Variants in RAD51AP1 observed in about 807,000 individuals in gnomAD.
The protein encoded by RAD51AP1 is RAD51 associated protein 1.
A neutral mutation model predicts 34.3 loss-of-function variants in RAD51AP1; 14 were observed. The observed-to-expected ratio is 0.41, with a 90% CI of 0.27 to 0.64. RAD51AP1 has a LOEUF of 0.64. Ranked by LOEUF, RAD51AP1 falls within the 30% of genes least tolerant of loss-of-function variation. The pLI is 0.33. For synonymous variants in RAD51AP1, 114 were observed against 129.8 expected, an observed-to-expected ratio of 0.88 and a Z score of 0.83; for missense variants, 348 against 386.9, an observed-to-expected ratio of 0.90 and a Z score of 0.84.
intron 1 of RAD51AP1, among the ~76,000 whole-genome samples, chr12:4,540,071 G>T (rs1372161601): frequency 6.6e-6 from 1 of 152,126 alleles, no homozygotes. Context: ...ATGTATTTCG[G>T]AGGCACTGTG....
At chr12:4,548,392 T>C (rs891362752) in intron 5 of RAD51AP1, among the ~76,000 whole-genome samples, 1 of 152,226 alleles carries the variant, frequency 6.6e-6, no homozygotes, top group Non-Finnish European at 1.5e-5. Context: ...TGGCTTCTAG[T>C]TGGAGCAACT....
chr12:4,540,008 G>A (rs779517245), intron 1 of RAD51AP1, among the ~76,000 whole-genome samples: 1 of 152,096 alleles, frequency 6.6e-6, no homozygotes, highest in African/African-American at 2.4e-5. Flanking sequence ...ATTGGAGAGC[G>A]GTTTGGGATA....
chr12:4,553,192 T>A, intron 7 of RAD51AP1, 45 bp downstream of exon 7: 1 of 1,407,688 alleles, frequency 7.1e-7, no homozygotes, highest in Non-Finnish European at 9.4e-7. Context: ...GAAATGTATG[T>A]GGTTTGTTTG....
intron 6 of RAD51AP1, among the ~76,000 whole-genome samples, chr12:4,552,201 C>T (rs1422104988): frequency 6.6e-6 from 1 of 151,792 alleles, no homozygotes; most frequent in Non-Finnish European, 1.5e-5. Flanking sequence ...TAGGACTAAC[C>T]CTATTTACAC....
intron 1 of RAD51AP1, 112 bp downstream of exon 1, chr12:4,539,068 T>C: frequency 8.2e-7 from 1 of 1,214,556 alleles, no homozygotes; most frequent in Non-Finnish European, 1.2e-6. Flanking sequence ...GGGGTTAGGA[T>C]GGACGGTTAT....
chr12:4,540,409 T>A (rs1944457033), intron 1 of RAD51AP1, among the ~76,000 whole-genome samples: 2 of 152,196 alleles, frequency 1.3e-5, no homozygotes, highest in African/African-American at 4.8e-5. Flanking sequence ...ATAACAATAC[T>A]AAGATATGAT....
intron 8 of RAD51AP1, among the ~76,000 whole-genome samples, chr12:4,557,398 C>G (rs998382197): frequency 1.1e-4 from 16 of 152,204 alleles, no homozygotes; most frequent in Admixed American, 1.0e-3. Flanking sequence ...GATTACTTAA[C>G]TTACAGAGTC....
At chr12:4,546,036 G>A (rs1282795675) in intron 3 of RAD51AP1, among the ~76,000 whole-genome samples, 3 of 152,146 alleles carry the variant, frequency 2.0e-5, no homozygotes, top group Non-Finnish European at 4.4e-5. Flanking sequence ...GACACAGCTG[G>A]TAGTAAGGTG....
intron 7 of RAD51AP1, among the ~76,000 whole-genome samples, chr12:4,553,559 A>G (rs971888459): frequency 1.3e-5 from 2 of 152,024 alleles, no homozygotes; most frequent in Non-Finnish European, 2.9e-5. Flanking sequence ...AAAACAAGGA[A>G]GTTTGCATAA....
intron 8 of RAD51AP1, 123 bp downstream of exon 8, chr12:4,556,625 G>T (rs1299558942): frequency 9.9e-6 from 11 of 1,110,038 alleles, no homozygotes; most frequent in Non-Finnish European, 1.4e-5. Context: ...CAAAACCAAA[G>T]TTCCTGGTTG....
In RAD51AP1 at chr12:4,538,914, G is replaced by C. The variant is rs1460889080; in HGVS notation, c.-26G>C. 6.2e-7 allele frequency: 1 copy of C among 1,613,626 alleles called. No individual in the cohort carries two copies. Among genetic ancestry groups the C allele is most frequent in the Non-Finnish European group, 8.5e-7 (1 of 1,179,594 alleles). On this transcript the variant is annotated 5_prime_UTR_variant, in exon 1 of 9. Coordinates refer to ENST00000352618, the MANE Select transcript of RAD51AP1 (RefSeq NM_006479.5). The stretch of plus-strand genomic sequence containing the variant: ...TGAAGCCAACAAGAATTTGAGAACT[G>C]TAAATACCAAGCCTTGAAAGGGACC...
chr12:4,553,094 A>AGTAGC lies in RAD51AP1; in HGVS notation c.668_669insGTAGC (p.Ser224Ter). 6.2e-7 allele frequency: 1 copy of AGTAGC among 1,607,090 alleles called. No homozygotes were observed. The highest frequency in any genetic ancestry group is 8.5e-7 in the Non-Finnish European group (1 of 1,177,286). On this transcript the variant is annotated stop_gained and frameshift_variant, in exon 7 of 9. Transcript: ENST00000352618. LOFTEE classifies it high-confidence loss of function. Reference sequence around the variant, plus strand: ...ATTAAAAAGAAAGAAGTGAAGGTAAAATCCCCAGTAGAAAAGAAAGAGAAG... The same window carrying AGTAGC: ...ATTAAAAAGAAAGAAGTGAAGGTAAAGTAGCATCCCCAGTAGAAAAGAAAGAGAAG...
intron 7 of RAD51AP1, among the ~76,000 whole-genome samples, chr12:4,555,020 A>T (rs1944572556): frequency 6.6e-6 from 1 of 152,220 alleles, no homozygotes; most frequent in African/African-American, 2.4e-5. Context: ...ATAATCACAG[A>T]AAGTTCCATC....
chr12:4,545,750 C>G, intron 3 of RAD51AP1: 1 of 1,607,362 alleles, frequency 6.2e-7, no homozygotes, highest in Non-Finnish European at 8.5e-7. Context: ...ATTAGCATGT[C>G]TTGTTTCCCC....
At position 4,558,009 on chromosome 12, in the gene RAD51AP1, C is replaced by T. The variant is rs566492959; in HGVS notation, c.872-848C>T. On this transcript the variant is annotated intron_variant, in intron 8 of 8. Transcript: ENST00000352618. ...TTGTTGTTGTTAGCACCATGTGAAC[C>T]AAAACAATATATCTGAGAGCTAGAT... Among the ~76,000 whole-genome samples, 3 of 150,472 alleles carry T rather than the reference C, an allele frequency of 2.0e-5. No homozygotes were observed. In the East Asian group the frequency reaches 5.9e-4, roughly 29 times the overall value.
chr12:4,543,697 T>C (rs1944485407), intron 2 of RAD51AP1, 66 bp from the exon 3 acceptor site: 1 of 1,181,612 alleles, frequency 8.5e-7, no homozygotes. Context: ...TGAACACACA[T>C]GGTAATGATT....
chr12:4,549,850 A>C (rs1240696013), intron 6 of RAD51AP1, among the ~76,000 whole-genome samples: 1 of 152,196 alleles, frequency 6.6e-6, no homozygotes, highest in East Asian at 1.9e-4. Flanking sequence ...CTAGCAATCC[A>C]CTTCTGAGTA....
At chr12:4,541,207 G>A (rs576317525) in intron 1 of RAD51AP1, among the ~76,000 whole-genome samples, 2 of 152,102 alleles carry the variant, frequency 1.3e-5, no homozygotes. Flanking sequence ...TCAGATTTGG[G>A]ATGCTCAGCT....
rs1228138333 is a variant in RAD51AP1 at position 4,556,486 on chromosome 12, T to C, written c.855T>C (p.Pro285=). 2 of 1,613,734 alleles carry C rather than the reference T, an allele frequency of 1.2e-6. No individual in the cohort carries two copies. The highest frequency in any genetic ancestry group is 8.5e-7 in the Non-Finnish European group (1 of 1,179,690). Reference sequence around the variant, plus strand: ...GTCCTTCAGCTGAAAGCAAGAAACCTAAATGGGTCCCACCAGGTATGGCAT... The same window carrying C: ...GTCCTTCAGCTGAAAGCAAGAAACCCAAATGGGTCCCACCAGGTATGGCAT... ...IRSPSAESKK[P]KWVPPAASGG... Residue 285 remains proline, a synonymous_variant, in exon 8 of 9, where the codon CCT becomes CCC. Coordinates refer to ENST00000352618, the MANE Select transcript of RAD51AP1 (RefSeq NM_006479.5).
Sources: allele counts gnomAD v4.1 joint callset (sites outside exome capture counted in the v4.1 genomes callset), GRCh38; gene constraint gnomAD v4.1.1; transcripts MANE v1.5; gene names NCBI Gene and HGNC (gene_info 2026-07-23, HGNC 2026-07-21).